PRKCI: variants seen among roughly 807,000 people sequenced by gnomAD.
PRKCI encodes protein kinase C iota type.
PRKCI carries 43 observed loss-of-function variants against 84.0 expected under a neutral mutation model. That is an observed-to-expected ratio of 0.51 (90% CI 0.40 to 0.66). PRKCI has a LOEUF of 0.66. Ranked by LOEUF, PRKCI falls within the 30% of genes least tolerant of loss-of-function variation. The probability of loss-of-function intolerance (pLI) is 0.00; values close to 1 mark genes in which losing one functional copy is unlikely to be tolerated. For synonymous variants in PRKCI, 216 were observed against 234.4 expected, an observed-to-expected ratio of 0.92 and a Z score of 0.72; for missense variants, 459 against 745.6, an observed-to-expected ratio of 0.62 and a Z score of 4.48.
At position 170,249,666 on chromosome 3, in the gene PRKCI, C is replaced by A. The variant is rs148774296; in HGVS notation, c.224-10303C>A. On this transcript the variant is annotated intron_variant, in intron 2 of 17. Coordinates refer to ENST00000295797, the MANE Select transcript of PRKCI (RefSeq NM_002740.6). ...AAAAAGCCAGGCATGGTGGCATGAG[C>A]CTGTGGGATTCAGCTCCCACCTTGG... Among the ~76,000 whole-genome samples the A allele has an allele frequency of 2.0e-5, 3 of 151,966 alleles. No homozygotes were observed. In the East Asian group the frequency reaches 5.8e-4, roughly 30 times the overall value.
chr3:170,246,306 C>A (rs372503292), intron 2 of PRKCI, among the ~76,000 whole-genome samples: 100 of 152,228 alleles, frequency 6.6e-4, no homozygotes, highest in African/African-American at 2.3e-3. Context: ...GCGCCTGCCA[C>A]CATGCCCAGC....
intron 2 of PRKCI, among the ~76,000 whole-genome samples, chr3:170,255,485 AT>A (rs1366478018): frequency 6.6e-6 from 1 of 152,084 alleles, no homozygotes. Flanking sequence ...AATGCTACTG[AT>A]TTTTGTGTGG....
At chr3:170,243,475 T>C (rs1577345971) in intron 2 of PRKCI, among the ~76,000 whole-genome samples, 2 of 152,238 alleles carry the variant, frequency 1.3e-5, no homozygotes, top group East Asian at 3.8e-4. Flanking sequence ...TGAACAGTCA[T>C]GTACAAGTCC....
At chr3:170,236,366 G>T (rs556200826) in intron 2 of PRKCI, among the ~76,000 whole-genome samples, 119 of 152,164 alleles carry the variant, frequency 7.8e-4, no homozygotes, top group African/African-American at 2.7e-3. Flanking sequence ...CTCCCAAAGT[G>T]CTGGGATTAC....
At chr3:170,237,566 T>C (rs1366241839) in intron 2 of PRKCI, among the ~76,000 whole-genome samples, 1 of 152,196 alleles carries the variant, frequency 6.6e-6, no homozygotes, top group Non-Finnish European at 1.5e-5. Flanking sequence ...CTAAATATAC[T>C]ACTTTTTTTA....
chr3:170,262,481 G>C (rs1214847590), intron 3 of PRKCI, among the ~76,000 whole-genome samples: 1 of 152,018 alleles, frequency 6.6e-6, no homozygotes, highest in African/African-American at 2.4e-5. Context: ...GTTTTGTTTT[G>C]TTTTTGTTTT....
intron 12 of PRKCI, among the ~76,000 whole-genome samples, chr3:170,285,588 G>A (rs79282339): frequency 0.026 from 3,890 of 152,188 alleles, 135 homozygotes; most frequent in South Asian, 0.11. Context: ...TTATCTAAAT[G>A]CTAACAACAT....
intron 3 of PRKCI, among the ~76,000 whole-genome samples, chr3:170,260,690 A>T (rs1223965438): frequency 1.3e-5 from 2 of 151,864 alleles, no homozygotes; most frequent in Non-Finnish European, 2.9e-5. Context: ...TGGCCTCAAG[A>T]GATCCGCCTG....
chr3:170,234,124 C>T (rs1480773052), intron 1 of PRKCI, among the ~76,000 whole-genome samples: 3 of 147,712 alleles, frequency 2.0e-5, no homozygotes, highest in Non-Finnish European at 4.4e-5. Context: ...CTCCGCCTCC[C>T]GGGTTCAAGC....
chr3:170,293,655 G>A, intron 14 of PRKCI, 147 bp downstream of exon 14: 1 of 1,001,510 alleles, frequency 1.0e-6, no homozygotes, highest in South Asian at 2.0e-5. Flanking sequence ...TTTTGTTGTT[G>A]TTTTTGTTTG....
chr3:170,292,489 T>G (rs1337167433), intron 13 of PRKCI, among the ~76,000 whole-genome samples: 1 of 152,198 alleles, frequency 6.6e-6, no homozygotes, highest in Non-Finnish European at 1.5e-5. Context: ...TTTTGGGTTT[T>G]GGCCCTCTGC....
intron 2 of PRKCI, among the ~76,000 whole-genome samples, chr3:170,259,356 G>T (rs1437166428): frequency 2.6e-5 from 4 of 151,836 alleles, no homozygotes; most frequent in Non-Finnish European, 5.9e-5. Flanking sequence ...GAGTGACAGA[G>T]TGAGACCCTG....
At chr3:170,223,370 A>C (rs966251154) in intron 1 of PRKCI, among the ~76,000 whole-genome samples, 3 of 152,202 alleles carry the variant, frequency 2.0e-5, no homozygotes, top group Non-Finnish European at 4.4e-5. Flanking sequence ...CGTGTCGTCA[A>C]GATTAAGTTG....
chr3:170,284,738 A>G, intron 12 of PRKCI, 142 bp downstream of exon 12: 2 of 1,065,202 alleles, frequency 1.9e-6, no homozygotes, highest in Non-Finnish European at 2.6e-6. Flanking sequence ...ACAAAGACAA[A>G]TGTACTTTTT....
At chr3:170,237,737 C>T (rs1733015865) in intron 2 of PRKCI, among the ~76,000 whole-genome samples, 1 of 152,102 alleles carries the variant, frequency 6.6e-6, no homozygotes, top group African/African-American at 2.4e-5. Context: ...AACACATTCT[C>T]ATTTTTTAAA....
In PRKCI at chr3:170,302,038, C is replaced by T. The variant is rs1388727643; in HGVS notation, c.1704-1002C>T. ...TCTGCCTGTTCATTCCTGTGTATCC[C>T]GCCTTCATTTTTACCTATTGAAATT... is the stretch of plus-strand genomic sequence containing the variant. On this transcript the variant is annotated intron_variant, in intron 17 of 17. Transcript: ENST00000295797. Among the ~76,000 whole-genome samples the T allele has an allele frequency of 2.0e-5, 3 of 152,130 alleles. 1 individual carries two copies. The highest frequency in any genetic ancestry group is 4.1e-4 in the South Asian group (2 of 4,822).
chr3:170,248,172 T>A (rs1407607784), intron 2 of PRKCI, among the ~76,000 whole-genome samples: 1 of 152,148 alleles, frequency 6.6e-6, no homozygotes, highest in African/African-American at 2.4e-5. Flanking sequence ...GGCACTGAAT[T>A]TAGGCATATA....
At chr3:170,263,238 A>G in intron 3 of PRKCI, 141 bp from the exon 4 acceptor site, 2 of 605,548 alleles carry the variant, frequency 3.3e-6, no homozygotes, top group Non-Finnish European at 5.8e-6. Flanking sequence ...AATATTGATC[A>G]CATGCTAAGT....
In PRKCI at chr3:170,297,902, G is replaced by A. The variant is rs112173552; in HGVS notation, c.1587+509G>A. Among the ~76,000 whole-genome samples, 284 of 151,386 alleles carry A rather than the reference G, an allele frequency of 1.9e-3. 1 individual carries two copies. Among genetic ancestry groups the A allele is most frequent in the African/African-American group, 6.4e-3 (262 of 41,144 alleles). On this transcript the variant is annotated intron_variant, in intron 16 of 17. Transcript: ENST00000295797. ...TTTATTATTTTTTTTCTGAGACGGA[G>A]TCTCATTCTGTCACCCAGGCTGGAG...
Sources: gnomAD v4.1 joint callset for allele counts (sites outside exome capture counted in the v4.1 genomes callset) on GRCh38, gnomAD v4.1.1 for gene constraint, MANE v1.5 for transcripts, NCBI Gene and HGNC (gene_info 2026-07-23, HGNC 2026-07-21) for gene names.